The following SLC24A4 variants were observed in gnomAD, a reference collection of about 807,000 sequenced individuals.
The protein encoded by SLC24A4 is solute carrier family 24 member 4.
In SLC24A4, 53 loss-of-function variants were observed where a neutral mutation model predicts 79.0. The observed-to-expected ratio is 0.67, with a 90% CI of 0.54 to 0.84. SLC24A4 has a LOEUF of 0.84. Among genes scored for constraint, SLC24A4 ranks in the 40% least tolerant of loss-of-function variants. The pLI is 0.00. For missense variants in SLC24A4, 731 were observed against 822.0 expected, an observed-to-expected ratio of 0.89 and a Z score of 1.35; for synonymous variants, 323 against 323.8, an observed-to-expected ratio of 1.00 and a Z score of 0.03.
At chr14:92,489,027 A>G (rs1461534072) in intron 14 of SLC24A4, among the ~76,000 whole-genome samples, 1 of 152,186 alleles carries the variant, frequency 6.6e-6, no homozygotes, top group African/African-American at 2.4e-5. Context: ...CAGAGTGGCT[A>G]CAGCGAAATG....
intron 2 of SLC24A4, among the ~76,000 whole-genome samples, chr14:92,412,967 G>T (rs1228429295): frequency 6.6e-6 from 1 of 152,178 alleles, no homozygotes; most frequent in East Asian, 1.9e-4. Flanking sequence ...AGATTTTAGT[G>T]AACATAAATA....
chr14:92,491,269 A>G (rs1895657814), intron 14 of SLC24A4, among the ~76,000 whole-genome samples: 1 of 152,230 alleles, frequency 6.6e-6, no homozygotes, highest in African/African-American at 2.4e-5. Flanking sequence ...CTGTCATTAA[A>G]TTTGAATGAA....
At chr14:92,470,475 A>AT (rs923136704) in intron 12 of SLC24A4, among the ~76,000 whole-genome samples, 1 of 151,828 alleles carries the variant, frequency 6.6e-6, no homozygotes, top group Non-Finnish European at 1.5e-5. Flanking sequence ...TCTGTTCTTA[A>AT]TTTTTTTCTC....
rs1318725756 is a variant in SLC24A4, at chr14:92,346,503, T to C, written c.241+20525T>C. Among the ~76,000 whole-genome samples the C allele has an allele frequency of 3.3e-5, 5 of 152,100 alleles. No homozygotes were observed. The South Asian group carries it at 6.2e-4, about 19-fold the overall frequency. ...GGAAGCATCTCTCCAATATAACACG[T>C]TGGGATGAGATCTGAGGTCATAAGC... is the stretch of plus-strand genomic sequence containing the variant. On this transcript the variant is annotated intron_variant, in intron 2 of 16. Transcript: ENST00000532405.
At chr14:92,356,938 T>C (rs1052391816) in intron 2 of SLC24A4, among the ~76,000 whole-genome samples, 3 of 152,220 alleles carry the variant, frequency 2.0e-5, no homozygotes, top group Non-Finnish European at 4.4e-5. Flanking sequence ...CTTATGCAAA[T>C]GATCTCAGTA....
At chr14:92,407,204 G>T (rs1445368834) in intron 2 of SLC24A4, among the ~76,000 whole-genome samples, 1 of 152,208 alleles carries the variant, frequency 6.6e-6, no homozygotes, top group African/African-American at 2.4e-5. Context: ...TTTTACTCCA[G>T]TTCCCAGTAA....
At chr14:92,340,512 A>G (rs947745441) in intron 2 of SLC24A4, among the ~76,000 whole-genome samples, 2 of 152,096 alleles carry the variant, frequency 1.3e-5, no homozygotes, top group Non-Finnish European at 2.9e-5. Flanking sequence ...GGCAAGGGAG[A>G]TGTGTTCAGC....
At chr14:92,416,077 C>T (rs142358270) in intron 2 of SLC24A4, among the ~76,000 whole-genome samples, 2,103 of 152,072 alleles carry the variant, frequency 0.014, 13 homozygotes, top group Non-Finnish European at 0.021. Flanking sequence ...AGAGACATCC[C>T]CACCACCCAT....
Position 92,445,345 on chromosome 14 carries a change from A to G in SLC24A4, c.683+3A>G. 6.2e-7 allele frequency: 1 copy of G among 1,613,838 alleles called. No homozygotes were observed. The highest frequency in any genetic ancestry group is 8.5e-7 in the Non-Finnish European group (1 of 1,179,758). On this transcript the variant is annotated splice_donor_region_variant and intron_variant, in intron 8 of 16. Transcript: ENST00000532405. ...ATATATGATGAACAAATTGTGTGGT[A>G]AGTTTTTCAAGTGTAGTTTTCATTG...
rs1442594770 is a variant in SLC24A4 at position 92,323,827 on chromosome 14, CG to C, written c.-1del. On this transcript the variant is annotated 5_prime_UTR_variant, in exon 1 of 17. Coordinates refer to ENST00000532405, the MANE Select transcript of SLC24A4 (RefSeq NM_153646.4). This position sits in a 1 kb window ranked among gnomAD's most constrained non-coding sequence, Gnocchi z 4.9. ...TCCCAGAGACGGCACCCAGGCGCTC[CG>C]GGATGGCGCTCCGCGGGACCCTCCG... 6.4e-7 allele frequency: 1 copy of C among 1,568,286 alleles called. No individual in the cohort carries two copies. The highest frequency in any genetic ancestry group is 1.2e-5 in the South Asian group (1 of 86,816).
intron 2 of SLC24A4, among the ~76,000 whole-genome samples, chr14:92,431,856 G>A (rs984482651): frequency 3.9e-5 from 6 of 152,322 alleles, no homozygotes; most frequent in Non-Finnish European, 5.9e-5. Flanking sequence ...GACTCCAGTC[G>A]ACAGTGTGGC....
At chr14:92,428,195 C>T (rs1452868627) in intron 2 of SLC24A4, among the ~76,000 whole-genome samples, 3 of 152,188 alleles carry the variant, frequency 2.0e-5, no homozygotes, top group African/African-American at 7.2e-5. Flanking sequence ...GACATGATTG[C>T]CAGGAGAGCC....
chr14:92,366,218 C>T (rs977400721), intron 2 of SLC24A4, among the ~76,000 whole-genome samples: 2 of 152,158 alleles, frequency 1.3e-5, no homozygotes, highest in Non-Finnish European at 2.9e-5. Context: ...TGGGAGCACC[C>T]GAACCAAAGG....
At chr14:92,326,666 C>T (rs1885159681) in intron 2 of SLC24A4, among the ~76,000 whole-genome samples, 1 of 152,184 alleles carries the variant, frequency 6.6e-6, no homozygotes, top group Non-Finnish European at 1.5e-5. Flanking sequence ...GCAGAACTCA[C>T]AGCCACTGCC....
chr14:92,456,360 T>C (rs761598528), intron 11 of SLC24A4, 44 bp from the exon 12 acceptor site: 2 of 1,605,448 alleles, frequency 1.2e-6, no homozygotes, highest in South Asian at 1.1e-5. Flanking sequence ...AGCATGATGC[T>C]TTATCACATG....
At chr14:92,435,215 A>AG (rs1205601581) in intron 3 of SLC24A4, among the ~76,000 whole-genome samples, 4 of 152,298 alleles carry the variant, frequency 2.6e-5, no homozygotes, top group East Asian at 1.9e-4. Context: ...AAATGGTGGA[A>AG]GGGGGGTCAG....
At position 92,442,710 on chromosome 14, in the gene SLC24A4, CA is replaced by C; in HGVS notation, c.479-2del. ...GCCCAGGGTCTGTGTGTTTCCTTTC[CA>C]GGGGTGTTCATCACCCATGGGGACG... On this transcript the variant is annotated splice_acceptor_variant, in intron 5 of 16. Coordinates refer to ENST00000532405, the MANE Select transcript of SLC24A4 (RefSeq NM_153646.4). LOFTEE classifies it high-confidence loss of function. 1.9e-6 allele frequency: 3 copies of C among 1,609,710 alleles called. No individual in the cohort carries two copies. The highest frequency in any genetic ancestry group is 1.3e-5 in the African/African-American group (1 of 74,930).
At chr14:92,431,113 C>G (rs1202388356) in intron 2 of SLC24A4, among the ~76,000 whole-genome samples, 1 of 152,254 alleles carries the variant, frequency 6.6e-6, no homozygotes, top group African/African-American at 2.4e-5. Context: ...TGCTCTTTCT[C>G]TCTTTCTCCA....
At chr14:92,347,153 T>G (rs931966480) in intron 2 of SLC24A4, among the ~76,000 whole-genome samples, 1 of 152,252 alleles carries the variant, frequency 6.6e-6, no homozygotes, top group African/African-American at 2.4e-5. Context: ...GGTTCTGATG[T>G]CAATCTCCTA....
Sources: allele counts gnomAD v4.1 joint callset (sites outside exome capture counted in the v4.1 genomes callset), GRCh38; gene constraint gnomAD v4.1.1; non-coding constraint Gnocchi (gnomAD v3.1); transcripts MANE v1.5; gene names NCBI Gene and HGNC (gene_info 2026-07-23, HGNC 2026-07-21).